Variants in NDUFAF2 observed in about 807,000 individuals in gnomAD.
NDUFAF2 encodes the protein NADH:ubiquinone oxidoreductase complex assembly factor 2.
Under a neutral mutation model 22.8 loss-of-function variants are expected in NDUFAF2, and 13 were observed. That is an observed-to-expected ratio of 0.57 (90% CI 0.37 to 0.91). The LOEUF is 0.91. Among genes scored for constraint, NDUFAF2 ranks in the 40% least tolerant of loss-of-function variants. The pLI is 0.01. For missense variants in NDUFAF2, 162 were observed against 195.2 expected, an observed-to-expected ratio of 0.83 and a Z score of 1.01; for synonymous variants, 53 against 64.2, an observed-to-expected ratio of 0.83 and a Z score of 0.84.
intron 1 of NDUFAF2, among the ~76,000 whole-genome samples, chr5:61,056,161 C>A (rs1580115580): frequency 6.6e-6 from 1 of 152,058 alleles, no homozygotes; most frequent in Admixed American, 6.6e-5. Flanking sequence ...TGTTCAACTC[C>A]AATTATTTTA....
intron 1 of NDUFAF2, among the ~76,000 whole-genome samples, chr5:61,055,438 A>T (rs2095183326): frequency 6.6e-6 from 1 of 152,214 alleles, no homozygotes; most frequent in Non-Finnish European, 1.5e-5. Context: ...GATATGAAAG[A>T]TAAAAAAGGA....
chr5:60,992,622 T>G (rs1217364599), intron 1 of NDUFAF2, among the ~76,000 whole-genome samples: 4 of 152,178 alleles, frequency 2.6e-5, no homozygotes, highest in Non-Finnish European at 5.9e-5. Context: ...CTATATCCAG[T>G]GAGTTTTGTA....
intron 2 of NDUFAF2, among the ~76,000 whole-genome samples, chr5:61,094,076 TTTTC>T (rs747520358): frequency 5.3e-5 from 8 of 152,214 alleles, no homozygotes; most frequent in Admixed American, 3.9e-4. Flanking sequence ...CTCTGATGGT[TTTTC>T]TTTCTATGGG....
At chr5:61,041,262 G>GC (rs1751878921) in intron 1 of NDUFAF2, among the ~76,000 whole-genome samples, 1 of 152,078 alleles carries the variant, frequency 6.6e-6, no homozygotes, top group South Asian at 2.1e-4. Context: ...TTATCTCAAT[G>GC]TAAACATATT....
chr5:61,012,485 C>T (rs1012629641), intron 1 of NDUFAF2, among the ~76,000 whole-genome samples: 3 of 152,026 alleles, frequency 2.0e-5, no homozygotes, highest in Non-Finnish European at 4.4e-5. Context: ...TGTGTAAATT[C>T]ACAATTAAAA....
At chr5:61,121,489 T>C (rs892606786) in intron 3 of NDUFAF2, among the ~76,000 whole-genome samples, 16 of 152,174 alleles carry the variant, frequency 1.1e-4, no homozygotes, top group Admixed American at 9.8e-4. Context: ...TACTTATTGC[T>C]TTCTGAAACT....
intron 1 of NDUFAF2, among the ~76,000 whole-genome samples, chr5:61,006,615 C>G (rs62367885): frequency 0.4 from 60,679 of 151,952 alleles, 13,025 homozygotes; most frequent in East Asian, 0.8. Context: ...TCTTTTATTT[C>G]ATTGAGCACT....
chr5:61,118,884 G>T (rs1200650100), intron 3 of NDUFAF2, among the ~76,000 whole-genome samples: 1 of 152,120 alleles, frequency 6.6e-6, no homozygotes, highest in Non-Finnish European at 1.5e-5. Flanking sequence ...CTCTGGGGAA[G>T]GAAAATGTTA....
intron 3 of NDUFAF2, chr5:61,115,378 C>A (rs1401607295): frequency 1.3e-5 from 2 of 152,290 alleles, no homozygotes; most frequent in African/African-American, 4.8e-5. Flanking sequence ...GAATCAAGGA[C>A]CCCAGGAGAC....
intron 1 of NDUFAF2, among the ~76,000 whole-genome samples, chr5:60,974,672 A>G (rs375379886): frequency 5.3e-5 from 8 of 151,996 alleles, no homozygotes; most frequent in South Asian, 2.1e-4. Context: ...TTTTAGATCA[A>G]TCTTAAGCCT....
At chr5:61,079,452 C>T (rs556797529) in intron 2 of NDUFAF2, among the ~76,000 whole-genome samples, 8 of 152,150 alleles carry the variant, frequency 5.3e-5, no homozygotes, top group Admixed American at 1.3e-4. Flanking sequence ...AAAATTAAAA[C>T]GCTGAGTTCA....
chr5:61,091,177 A>G (rs1248442210), intron 2 of NDUFAF2, among the ~76,000 whole-genome samples: 1 of 152,152 alleles, frequency 6.6e-6, no homozygotes, highest in Non-Finnish European at 1.5e-5. Context: ...TAATAGAATG[A>G]TTTATATTCC....
chr5:60,993,620 T>C (rs1434217786), intron 1 of NDUFAF2, among the ~76,000 whole-genome samples: 1 of 152,066 alleles, frequency 6.6e-6, no homozygotes, highest in African/African-American at 2.4e-5. Context: ...TAGGAGGCCC[T>C]GGAGTGGGTA....
chr5:60,948,490 A>T (rs1028043790), intron 1 of NDUFAF2, among the ~76,000 whole-genome samples: 11 of 150,796 alleles, frequency 7.3e-5, no homozygotes, highest in Non-Finnish European at 1.3e-4. Flanking sequence ...GGGATTACAG[A>T]TGTGAGACAG....
chr5:61,092,419 G>A (rs147533604), intron 2 of NDUFAF2, among the ~76,000 whole-genome samples: 241 of 152,004 alleles, frequency 1.6e-3, no homozygotes, highest in African/African-American at 3.7e-3. Context: ...TCTCCTTATC[G>A]AGATCTTTCA....
chr5:61,065,522 T>C (rs902506680), intron 1 of NDUFAF2, among the ~76,000 whole-genome samples: 2 of 152,070 alleles, frequency 1.3e-5, no homozygotes, highest in African/African-American at 4.8e-5. Context: ...GATTTATTGC[T>C]GGCATGCAAG....
intron 3 of NDUFAF2, among the ~76,000 whole-genome samples, chr5:61,123,506 G>A (rs556814844): frequency 6.6e-6 from 1 of 152,108 alleles, no homozygotes. Context: ...AGGCACAGTG[G>A]GACCACCGTC....
chr5:61,111,609 TTTTG>T, intron 3 of NDUFAF2, among the ~76,000 whole-genome samples: 1 of 151,860 alleles, frequency 6.6e-6, no homozygotes, highest in Admixed American at 6.6e-5. Context: ...GCTAGGTTTT[TTTTG>T]TTTGTTTTTT....
chr5:61,015,308 G>T (rs982425461), intron 1 of NDUFAF2, among the ~76,000 whole-genome samples: 1 of 151,930 alleles, frequency 6.6e-6, no homozygotes, highest in African/African-American at 2.4e-5. Flanking sequence ...TTCAGACAGG[G>T]TCTTGCTCTG....
Sources: allele counts gnomAD v4.1 joint callset (sites outside exome capture counted in the v4.1 genomes callset), GRCh38; gene constraint gnomAD v4.1.1; transcripts MANE v1.5; gene names NCBI Gene and HGNC (gene_info 2026-07-23, HGNC 2026-07-21).